The following COX7C variants were observed in gnomAD, a reference collection of about 807,000 sequenced individuals.
COX7C encodes cytochrome c oxidase subunit 7C, mitochondrial.
COX7C carries 1 observed loss-of-function variant against 6.4 expected under a neutral mutation model. The observed-to-expected ratio is 0.16, with a 90% CI of 0.06 to 0.74. The LOEUF is 0.74. Among genes scored for constraint, COX7C ranks in the 30% least tolerant of loss-of-function variants. COX7C has a pLI of 0.78. For synonymous variants in COX7C, 24 were observed against 28.9 expected (o/e 0.83, Z 0.54); for missense variants, 54 against 73.7 (o/e 0.73, Z 0.98).
rs747359768 is a variant in COX7C at position 86,619,437 on chromosome 5, C to G, written c.160C>G (p.Leu54Val). 11 of 1,612,522 alleles carry G rather than the reference C, an allele frequency of 6.8e-6. No homozygotes were observed. The highest frequency in any genetic ancestry group is 9.3e-6 in the Non-Finnish European group (11 of 1,178,598). Residue 54 changes from leucine to valine, a missense_variant, in exon 2 of 3, where the codon CTT becomes GTT. Coordinates refer to ENST00000247655, the MANE Select transcript of COX7C (RefSeq NM_001867.3). ...YFGSAFATPFLVVRHQLLKT is the reference protein window; with the variant it reads ...YFGSAFATPFVVVRHQLLKT ...TGGATCTGCATTTGCTACACCCTTC[C>G]TTGTAGTAAGACACCAACTGCTTAA...
At position 86,620,671 on chromosome 5, in the gene COX7C, T is replaced by C. The variant is rs1200173137; in HGVS notation, c.*31T>C. 1 of 436,788 alleles carries C rather than the reference T, an allele frequency of 2.3e-6. No homozygotes were observed. The highest frequency in any genetic ancestry group is 4.7e-6 in the Non-Finnish European group (1 of 213,708). 27.1% of individuals were successfully genotyped at this position (436,788 alleles called of 1,614,324 possible). A position where few individuals can be genotyped will look rare whatever the true frequency, so the allele number is the denominator to read the frequency against. On this transcript the variant is annotated 3_prime_UTR_variant, in exon 3 of 3. Transcript: ENST00000247655. Reference sequence around the variant, plus strand: ...AATTTCTGTTTTTATTTTGCAGATATGAAGAGCATTTTAAGAGGTGCAGCC... The same window carrying C: ...AATTTCTGTTTTTATTTTGCAGATACGAAGAGCATTTTAAGAGGTGCAGCC...
intron 1 of COX7C, 52 bp downstream of exon 1, chr5:86,618,182 A>T (rs1161925943): frequency 6.4e-7 from 1 of 1,564,374 alleles, no homozygotes; most frequent in African/African-American, 1.4e-5. Context: ...CTTGGCTGTG[A>T]CTCGCGCACC....
In COX7C at chr5:86,617,949, T is replaced by C; in HGVS notation, c.-107T>C. The C allele has an allele frequency of 1.0e-6, 1 of 1,003,808 alleles. No individual in the cohort carries two copies. The allele number at this position is 1,003,808 out of a possible 1,614,324, so 62.2% of individuals were successfully genotyped here. A position where few individuals can be genotyped will look rare whatever the true frequency, so the allele number is the denominator to read the frequency against. On this transcript the variant is annotated 5_prime_UTR_variant, in exon 1 of 3. Transcript: ENST00000247655. ...CCCCATTTCCCATCTTTCTTTTCAG[T>C]CCTTGCGCACCGGGGAACAAGGTCG...
At chr5:86,618,319 A>G (rs1383606087) in intron 1 of COX7C, 189 bp downstream of exon 1, 1 of 587,152 alleles carries the variant, frequency 1.7e-6, no homozygotes, top group Non-Finnish European at 3.1e-6. Context: ...TAGCCGCTAA[A>G]GGAATGGGCA....
chr5:86,618,727 G>T (rs1750054542), intron 1 of COX7C, among the ~76,000 whole-genome samples: 1 of 152,122 alleles, frequency 6.6e-6, no homozygotes, highest in South Asian at 2.1e-4. Context: ...GGTGGCGCAC[G>T]CCTGTAATCG....
intron 2 of COX7C, 173 bp from the exon 3 acceptor site, chr5:86,620,495 G>T: frequency 4.0e-6 from 1 of 248,886 alleles, no homozygotes; most frequent in South Asian, 4.0e-5. Context: ...TACTAATGCG[G>T]AAAGGTTGCG....
chr5:86,618,978 CAAA>C (rs368187717), intron 1 of COX7C, among the ~76,000 whole-genome samples: 4 of 62,412 alleles, frequency 6.4e-5, no homozygotes, highest in Non-Finnish European at 6.9e-5. Flanking sequence ...GACTCCGTCT[CAAA>C]AAAAAAAAAA....
chr5:86,618,577 G>T (rs1218695962), intron 1 of COX7C, among the ~76,000 whole-genome samples: 1 of 152,182 alleles, frequency 6.6e-6, no homozygotes, highest in Non-Finnish European at 1.5e-5. Flanking sequence ...AGTTAAGGCT[G>T]GGTTTGGCCT....
chr5:86,618,955 C>G (rs1404926552), intron 1 of COX7C, among the ~76,000 whole-genome samples: 1 of 147,364 alleles, frequency 6.8e-6, no homozygotes, highest in Non-Finnish European at 1.5e-5. Context: ...GCACTCCAGC[C>G]TGGACAGAGC....
At position 86,620,769 on chromosome 5, in the gene COX7C, C is replaced by T. The variant is rs1750104600; in HGVS notation, c.*129C>T. 1 of 272,592 alleles carries T rather than the reference C, an allele frequency of 3.7e-6. No individual in the cohort carries two copies. The highest frequency in any genetic ancestry group is 3.1e-5 in the South Asian group (1 of 31,900). 16.9% of individuals were successfully genotyped at this position (272,592 alleles called of 1,614,324 possible). ...TGTCAATAAACTTATGACGTGAATG[C>T]TTAATGCCTCTTTTTTGAAATAGGG... On this transcript the variant is annotated 3_prime_UTR_variant, in exon 3 of 3. Coordinates refer to ENST00000247655, the MANE Select transcript of COX7C (RefSeq NM_001867.3).
intron 1 of COX7C, 104 bp from the exon 2 acceptor site, chr5:86,619,246 CTGA>C (rs1419449532): frequency 4.1e-6 from 3 of 724,766 alleles, no homozygotes; most frequent in Non-Finnish European, 5.0e-6. Context: ...ATATGTTAAC[CTGA>C]TGATGTAAAA....
chr5:86,620,470 A>G (rs1052503115), intron 2 of COX7C, 198 bp from the exon 3 acceptor site: 1 of 247,678 alleles, frequency 4.0e-6, no homozygotes, highest in African/African-American at 2.2e-5. Context: ...TAGAGGGGGA[A>G]TAACTTATCC....
rs1217919003 is a variant in COX7C at position 86,618,010 on chromosome 5, A to G, written c.-46A>G. 6.3e-7 allele frequency: 1 copy of G among 1,595,214 alleles called. No homozygotes were observed. Among genetic ancestry groups the G allele is most frequent in the East Asian group, 2.2e-5 (1 of 44,762 alleles). On this transcript the variant is annotated 5_prime_UTR_variant, in exon 1 of 3. Transcript: ENST00000247655. ...GGTCTTGGTGAGGTGCCGCCATTTCATCTGTCCTCATTCTCTGCGCCTTTC... is the reference window on the plus strand; with the variant it reads ...GGTCTTGGTGAGGTGCCGCCATTTCGTCTGTCCTCATTCTCTGCGCCTTTC...
chr5:86,618,167 G>A (rs1580392501), intron 1 of COX7C, 37 bp downstream of exon 1: 1 of 1,604,674 alleles, frequency 6.2e-7, no homozygotes, highest in Non-Finnish European at 8.5e-7. Context: ...TTGGGGGAGG[G>A]GGCGCTTGGC....
chr5:86,620,118 T>G (rs1226787064), intron 2 of COX7C: 1 of 152,388 alleles, frequency 6.6e-6, no homozygotes, highest in Non-Finnish European at 1.5e-5. Flanking sequence ...ATTGTAAATC[T>G]GTGCCTCACC....
Position 86,619,334 on chromosome 5 carries a change from T to C in COX7C, c.76-19T>C, listed in dbSNP as rs1413821912. 1 of 1,457,572 alleles carries C rather than the reference T, an allele frequency of 6.9e-7. No individual in the cohort carries two copies. The highest frequency in any genetic ancestry group is 9.6e-7 in the Non-Finnish European group (1 of 1,039,518). The allele number at this position is 1,457,572 out of a possible 1,614,324, so 90.3% of individuals were successfully genotyped here. On this transcript the variant is annotated intron_variant, in intron 1 of 2. Transcript: ENST00000247655. ...TTTGAGATTCAATTTCGATTACTTT[T>C]TCTCTTTTTTTCCAACAGAATTTGC...
intron 1 of COX7C, 151 bp downstream of exon 1, chr5:86,618,281 C>A: frequency 1.4e-6 from 1 of 699,932 alleles, no homozygotes; most frequent in Non-Finnish European, 2.5e-6. Context: ...GCCCAAGGAC[C>A]AGTGAGGAAG....
Position 86,618,038 on chromosome 5 carries a change from A to C in COX7C, c.-18A>C. ...TGTCCTCATTCTCTGCGCCTTTCGC[A>C]GAGCTTCCAGCAGCGGTATGTTGGG... On this transcript the variant is annotated 5_prime_UTR_variant, in exon 1 of 3. Transcript: ENST00000247655. 6.2e-7 allele frequency: 1 copy of C among 1,613,142 alleles called. No homozygotes were observed. Among genetic ancestry groups the C allele is most frequent in the Non-Finnish European group, 8.5e-7 (1 of 1,179,840 alleles).
rs781318630 is a variant in COX7C at position 86,619,503 on chromosome 5, AG to A, written c.*27+8del. On this transcript the variant is annotated splice_region_variant and intron_variant, in intron 2 of 2. Transcript: ENST00000247655. ...CAGTTCCTCCATTTAACAGGTAGTT[AG>A]TGGATTTCTAATCATGTTAAAGCAG... 5.1e-6 allele frequency: 7 copies of A among 1,368,124 alleles called. No homozygotes were observed. The South Asian group carries it at 8.1e-5, about 16-fold the overall frequency. 84.7% of individuals were successfully genotyped at this position (1,368,124 alleles called of 1,614,324 possible). A position where few individuals can be genotyped will look rare whatever the true frequency, so the allele number is the denominator to read the frequency against.
Sources: allele counts gnomAD v4.1 joint callset (sites outside exome capture counted in the v4.1 genomes callset), GRCh38; gene constraint gnomAD v4.1.1; transcripts MANE v1.5; gene names NCBI Gene and HGNC (gene_info 2026-07-23, HGNC 2026-07-21).